The following NELL1 variants were observed in gnomAD, a reference collection of about 807,000 sequenced individuals.
NELL1 encodes the protein neural EGFL like 1.
NELL1 carries 76 observed loss-of-function variants against 107.4 expected under a neutral mutation model. The ratio of observed to expected loss-of-function variants is 0.71; its 90% CI spans 0.59 to 0.86. NELL1 has a LOEUF of 0.86. Among genes scored for constraint, NELL1 ranks in the 40% least tolerant of loss-of-function variants. The pLI is 0.00. For missense variants in NELL1, 1,024 were observed against 1,005.5 expected, an observed-to-expected ratio of 1.02 and a Z score of -0.25; for synonymous variants, 353 against 341.2, an observed-to-expected ratio of 1.03 and a Z score of -0.38.
chr11:21,346,334 C>A (rs1399585033), intron 14 of NELL1, among the ~76,000 whole-genome samples: 2 of 152,060 alleles, frequency 1.3e-5, no homozygotes, highest in East Asian at 1.9e-4. Context: ...CAGCCCCAAC[C>A]CCACAATAGC....
intron 12 of NELL1, among the ~76,000 whole-genome samples, chr11:21,055,189 T>G (rs1853584404): frequency 6.6e-6 from 1 of 152,104 alleles, no homozygotes; most frequent in Admixed American, 6.6e-5. Context: ...TATGTATACC[T>G]AAGTCAGCAT....
In NELL1 at chr11:21,491,433, A is replaced by G. The variant is rs540227612; in HGVS notation, c.1646-42941A>G. Among the ~76,000 whole-genome samples the G allele has an allele frequency of 9.0e-3, 1,369 of 152,262 alleles. 26 individuals are homozygous for G. The highest frequency in any genetic ancestry group is 0.032 in the African/African-American group (1,322 of 41,548). On this transcript the variant is annotated intron_variant, in intron 15 of 19. Transcript: ENST00000357134. ...CTACATATGGCTAGCCAGTTTTCCC[A>G]GCACCATTTATTAAATAGGGAATCC...
intron 5 of NELL1, among the ~76,000 whole-genome samples, chr11:20,903,450 C>T (rs1849922755): frequency 6.6e-6 from 1 of 152,048 alleles, no homozygotes; most frequent in Non-Finnish European, 1.5e-5. Flanking sequence ...CATTGAGAAT[C>T]TGAACAGTAG....
At chr11:20,976,479 G>A (rs982976435) in intron 12 of NELL1, among the ~76,000 whole-genome samples, 1 of 152,016 alleles carries the variant, frequency 6.6e-6, no homozygotes, top group Non-Finnish European at 1.5e-5. Flanking sequence ...TAACTTAAAT[G>A]TTTCAGCTGT....
chr11:21,104,002 G>GT (rs1590639179), intron 12 of NELL1, among the ~76,000 whole-genome samples: 1 of 152,140 alleles, frequency 6.6e-6, no homozygotes, highest in East Asian at 1.9e-4. Context: ...ATAGCATTTG[G>GT]TAGCCTCTCA....
At chr11:20,859,534 G>C (rs1276194567) in intron 4 of NELL1, among the ~76,000 whole-genome samples, 1 of 152,160 alleles carries the variant, frequency 6.6e-6, no homozygotes, top group Non-Finnish European at 1.5e-5. Flanking sequence ...TTCAAATGTG[G>C]AGTAGACGTT....
intron 12 of NELL1, among the ~76,000 whole-genome samples, chr11:21,041,775 G>T (rs886525719): frequency 6.6e-6 from 1 of 152,202 alleles, no homozygotes; most frequent in African/African-American, 2.4e-5. Flanking sequence ...TAATAATTAT[G>T]GGTCTTACAC....
Position 21,281,784 on chromosome 11 carries a change from T to A in NELL1, c.1549+52330T>A, listed in dbSNP as rs571945149. ...ATCCAGATAATTCTTCCGGATCTCA[T>A]CTAAGACCATTAAGGTGCTACATCT... On this transcript the variant is annotated intron_variant, in intron 14 of 19. Coordinates refer to ENST00000357134, the MANE Select transcript of NELL1 (RefSeq NM_006157.5). 3.3e-5 allele frequency among the ~76,000 whole-genome samples: 5 copies of A among 152,308 alleles called. No homozygotes were observed. The East Asian group carries it at 9.7e-4, about 29-fold the overall frequency.
chr11:21,124,105 C>G (rs1254011662), intron 13 of NELL1, among the ~76,000 whole-genome samples: 1 of 152,042 alleles, frequency 6.6e-6, no homozygotes, highest in Non-Finnish European at 1.5e-5. Flanking sequence ...AAACATGATA[C>G]TTTTTCTTTA....
intron 15 of NELL1, among the ~76,000 whole-genome samples, chr11:21,436,008 A>G (rs976706992): frequency 5.3e-5 from 8 of 151,988 alleles, no homozygotes; most frequent in African/African-American, 1.9e-4. Context: ...TACTGATTCA[A>G]TCTCATTATG....
chr11:20,715,172 G>T (rs1239932411), intron 2 of NELL1, among the ~76,000 whole-genome samples: 3 of 152,126 alleles, frequency 2.0e-5, no homozygotes, highest in Non-Finnish European at 4.4e-5. Flanking sequence ...GTGAACCCAG[G>T]AGGTGGAGCT....
At chr11:21,399,640 T>C (rs576535682) in intron 15 of NELL1, among the ~76,000 whole-genome samples, 1 of 151,972 alleles carries the variant, frequency 6.6e-6, no homozygotes, top group Admixed American at 6.6e-5. Flanking sequence ...TTCTCCATTT[T>C]ACAGATAAGG....
intron 4 of NELL1, among the ~76,000 whole-genome samples, chr11:20,873,216 A>G (rs1251966177): frequency 6.6e-6 from 1 of 152,160 alleles, no homozygotes; most frequent in African/African-American, 2.4e-5. Flanking sequence ...TCTGGAAAAG[A>G]TGGGACCGAC....
chr11:21,492,180 C>A (rs1315205280), intron 15 of NELL1, among the ~76,000 whole-genome samples: 1 of 152,120 alleles, frequency 6.6e-6, no homozygotes, highest in Admixed American at 6.6e-5. Context: ...AAATGCAAAT[C>A]AAATCCACAG....
chr11:20,897,802 A>C (rs1480918200), intron 5 of NELL1, among the ~76,000 whole-genome samples: 2 of 152,232 alleles, frequency 1.3e-5, no homozygotes, highest in Non-Finnish European at 2.9e-5. Context: ...ATGCAGCCAA[A>C]AGACACATGA....
At chr11:20,837,864 T>TA (rs1235160511) in intron 3 of NELL1, among the ~76,000 whole-genome samples, 1 of 152,154 alleles carries the variant, frequency 6.6e-6, no homozygotes, top group Non-Finnish European at 1.5e-5. Context: ...TCCCATGCAG[T>TA]AAAATTCTAA....
rs147418887 is a variant in NELL1, at chr11:21,083,474, G to C, written c.1301-30115G>C. Among the ~76,000 whole-genome samples, 323 of 152,272 alleles carry C rather than the reference G, an allele frequency of 2.1e-3. 2 individuals are homozygous for C. Among genetic ancestry groups the C allele is most frequent in the African/African-American group, 7.5e-3 (313 of 41,552 alleles). On this transcript the variant is annotated intron_variant, in intron 12 of 19. Transcript: ENST00000357134. Reference sequence around the variant, plus strand: ...ATTCCTTATGGTGCCAGTGTTAACAGGTTACACACTGCTTCTCAGAACAAT... The same window carrying C: ...ATTCCTTATGGTGCCAGTGTTAACACGTTACACACTGCTTCTCAGAACAAT...
At chr11:20,859,216 A>C (rs1590355034) in intron 4 of NELL1, among the ~76,000 whole-genome samples, 1 of 152,358 alleles carries the variant, frequency 6.6e-6, no homozygotes, top group East Asian at 1.9e-4. Flanking sequence ...AGAACTGGAC[A>C]TAGCTAGAGA....
At position 21,211,370 on chromosome 11, in the gene NELL1, T is replaced by A. The variant is rs1398042210; in HGVS notation, c.1427-17962T>A. Among the ~76,000 whole-genome samples the A allele has an allele frequency of 2.0e-5, 3 of 152,136 alleles. No homozygotes were observed. The South Asian group carries it at 6.2e-4, about 32-fold the overall frequency. Reference sequence around the variant, plus strand: ...GAGACAAAGCCATTGTGCTTGCAGCTTAGCAGACAAGAAGGGGAATGGAGC... The same window carrying A: ...GAGACAAAGCCATTGTGCTTGCAGCATAGCAGACAAGAAGGGGAATGGAGC... On this transcript the variant is annotated intron_variant, in intron 13 of 19. Transcript: ENST00000357134.
Sources: gnomAD v4.1 joint callset for allele counts (sites outside exome capture counted in the v4.1 genomes callset) on GRCh38, gnomAD v4.1.1 for gene constraint, MANE v1.5 for transcripts, NCBI Gene and HGNC (gene_info 2026-07-23, HGNC 2026-07-21) for gene names.